Variants in LRFN5 observed in about 807,000 individuals in gnomAD.
LRFN5 encodes leucine rich repeat and fibronectin type III domain containing 5.
In LRFN5, 24 loss-of-function variants were observed where a neutral mutation model predicts 45.6. The observed-to-expected ratio is 0.53, with a 90% confidence interval of 0.38 to 0.74. The LOEUF (loss-of-function observed/expected upper bound fraction) is 0.74, where lower values mean the gene tolerates loss of function less well. Among genes scored for constraint, LRFN5 ranks in the 30% least tolerant of loss-of-function variants. LRFN5 has a pLI of 0.00. For synonymous variants in LRFN5, 340 were observed against 313.8 expected (o/e 1.08, Z -0.88); for missense variants, 776 against 861.5 (o/e 0.90, Z 1.24).
chr14:41,747,436 A>G (rs1283404317), intron 1 of LRFN5, among the ~76,000 whole-genome samples: 1 of 152,024 alleles, frequency 6.6e-6, no homozygotes, highest in Non-Finnish European at 1.5e-5. Flanking sequence ...CAGGTGGGGA[A>G]AGGACAGTCT....
chr14:41,753,026 C>T (rs1162807918), intron 1 of LRFN5, among the ~76,000 whole-genome samples: 1 of 152,118 alleles, frequency 6.6e-6, no homozygotes, highest in Non-Finnish European at 1.5e-5. Flanking sequence ...ATAGGGAAAC[C>T]TTCCCCCATT....
At position 41,887,895 on chromosome 14, in the gene LRFN5, G is replaced by A; in HGVS notation, c.1270G>A (p.Ala424Thr). Reference sequence around the variant, plus strand: ...ATTGAGTCAAGATAAAATTGTGGTGGCAGAAGCTACATCATCAACGGCACT... The same window carrying A: ...ATTGAGTCAAGATAAAATTGTGGTGACAGAAGCTACATCATCAACGGCACT... ...TKLSQDKIVV[A>T]EATSSTALLK... Residue 424 changes from alanine to threonine, a missense_variant, in exon 3 of 6, where the codon GCA becomes ACA. Physicochemically the swap from Ala to Thr is moderately conservative, Grantham distance 58. Coordinates refer to ENST00000298119, the MANE Select transcript of LRFN5 (RefSeq NM_152447.5). This position sits in a 1 kb window ranked among gnomAD's most constrained non-coding sequence, Gnocchi z 4.8. 1 of 1,614,036 alleles carries A rather than the reference G, an allele frequency of 6.2e-7. No individual in the cohort carries two copies.
chr14:41,781,990 C>G (rs1011599324), intron 2 of LRFN5, among the ~76,000 whole-genome samples: 3 of 152,036 alleles, frequency 2.0e-5, no homozygotes, highest in African/African-American at 7.2e-5. Context: ...TGAACATTCT[C>G]TAAATGTATG....
At chr14:41,892,368 G>C (rs1890816646) in intron 4 of LRFN5, 3 of 984,706 alleles carry the variant, frequency 3.0e-6, no homozygotes, top group Non-Finnish European at 3.6e-6. Context: ...AAATAAAATG[G>C]ATAAGGGAAA....
intron 1 of LRFN5, among the ~76,000 whole-genome samples, chr14:41,621,327 G>T (rs184141723): frequency 2.6e-5 from 4 of 152,188 alleles, no homozygotes; most frequent in Admixed American, 6.5e-5. Context: ...CTTGAACAGG[G>T]TGATTGGTAT....
At chr14:41,902,348 T>G (rs1891128337) in intron 5 of LRFN5, among the ~76,000 whole-genome samples, 1 of 151,934 alleles carries the variant, frequency 6.6e-6, no homozygotes, top group Non-Finnish European at 1.5e-5. Context: ...TGTTTGATAC[T>G]CTTGTAATTT....
At chr14:41,732,415 G>T (rs541977235) in intron 1 of LRFN5, among the ~76,000 whole-genome samples, 2 of 152,112 alleles carry the variant, frequency 1.3e-5, no homozygotes, top group East Asian at 3.9e-4. Flanking sequence ...GTCTCATTTT[G>T]GGAGCCAGAC....
intron 1 of LRFN5, among the ~76,000 whole-genome samples, chr14:41,631,642 GT>G (rs1248689674): frequency 6.6e-6 from 1 of 152,138 alleles, no homozygotes; most frequent in Non-Finnish European, 1.5e-5. Context: ...TTTATTGAAA[GT>G]GATCAGGAAC....
At chr14:41,635,943 G>A (rs1879287342) in intron 1 of LRFN5, among the ~76,000 whole-genome samples, 1 of 152,110 alleles carries the variant, frequency 6.6e-6, no homozygotes, top group South Asian at 2.1e-4. Flanking sequence ...TATCCCAGCA[G>A]AGCAGTCAGG....
intron 1 of LRFN5, among the ~76,000 whole-genome samples, chr14:41,639,378 G>A (rs1361337273): frequency 6.6e-6 from 1 of 152,072 alleles, no homozygotes; most frequent in African/African-American, 2.4e-5. Context: ...GAAGGTCATG[G>A]TTCAACTTGT....
chr14:41,756,598 T>G (rs1885397015), intron 1 of LRFN5, among the ~76,000 whole-genome samples: 1 of 152,252 alleles, frequency 6.6e-6, no homozygotes. Flanking sequence ...GCCATGGTTT[T>G]CATCTCCATC....
chr14:41,797,224 T>C (rs34638721), intron 2 of LRFN5, among the ~76,000 whole-genome samples: 2 of 151,806 alleles, frequency 1.3e-5, no homozygotes, highest in Non-Finnish European at 2.9e-5. Context: ...ATTATTTATT[T>C]ATTTGGGCAT....
chr14:41,744,838 A>T (rs61992400), intron 1 of LRFN5, among the ~76,000 whole-genome samples: 1 of 152,088 alleles, frequency 6.6e-6, no homozygotes, highest in Non-Finnish European at 1.5e-5. Flanking sequence ...AGTAATAGAG[A>T]AAGAAGACAA....
chr14:41,773,613 G>A (rs1393124921), intron 2 of LRFN5, among the ~76,000 whole-genome samples: 2 of 151,442 alleles, frequency 1.3e-5, no homozygotes, highest in East Asian at 3.9e-4. Flanking sequence ...AGATTAATAC[G>A]ACTGGAATTT....
chr14:41,873,253 C>G (rs772820863), intron 2 of LRFN5, among the ~76,000 whole-genome samples: 42 of 152,106 alleles, frequency 2.8e-4, no homozygotes, highest in Admixed American at 5.9e-4. Context: ...AACACAAACT[C>G]AAATCACAGA....
intron 2 of LRFN5, among the ~76,000 whole-genome samples, chr14:41,776,752 G>A (rs939529977): frequency 2.0e-5 from 3 of 152,044 alleles, no homozygotes; most frequent in Non-Finnish European, 2.9e-5. Context: ...GTGTGCGTGT[G>A]TGCTTTTTTG....
intron 1 of LRFN5, among the ~76,000 whole-genome samples, chr14:41,726,914 A>G (rs1331229135): frequency 1.3e-5 from 2 of 152,214 alleles, no homozygotes; most frequent in Non-Finnish European, 2.9e-5. Flanking sequence ...GTATATATTA[A>G]CATTTTATGT....
At chr14:41,640,119 A>G (rs925091430) in intron 1 of LRFN5, among the ~76,000 whole-genome samples, 1 of 151,880 alleles carries the variant, frequency 6.6e-6, no homozygotes, top group Non-Finnish European at 1.5e-5. Flanking sequence ...TAATCGGGCC[A>G]TACCCCTGGG....
chr14:41,887,126 T>C lies in LRFN5; in HGVS notation c.501T>C (p.Val167=), dbSNP rs1330527471. ...NNLETIPWDA[V]EKMVSLHTLS... ...TAGAAACCATTCCTTGGGATGCTGTTGAGAAGATGGTTAGCTTGCATACCC... is the reference window on the plus strand; with the variant it reads ...TAGAAACCATTCCTTGGGATGCTGTCGAGAAGATGGTTAGCTTGCATACCC... The change falls in exon 3 of 6, where the codon GTT becomes GTC. Residue 167 remains valine (V), a synonymous_variant. Coordinates refer to ENST00000298119, the MANE Select transcript of LRFN5 (RefSeq NM_152447.5). The surrounding 1 kb of genome is among the most constrained non-coding windows in gnomAD (Gnocchi z 4.8). The C allele has an allele frequency of 6.2e-7, 1 of 1,613,968 alleles. No homozygotes were observed. The highest frequency in any genetic ancestry group is 8.5e-7 in the Non-Finnish European group (1 of 1,180,038).
Sources: allele counts gnomAD v4.1 joint callset (sites outside exome capture counted in the v4.1 genomes callset), GRCh38; gene constraint gnomAD v4.1.1; non-coding constraint Gnocchi (gnomAD v3.1); transcripts MANE v1.5; gene names NCBI Gene and HGNC (gene_info 2026-07-23, HGNC 2026-07-21).